GNAI2: variants seen among roughly 807,000 people sequenced by gnomAD.
GNAI2 encodes the protein guanine nucleotide-binding protein G(i) subunit alpha-2.
A neutral mutation model predicts 36.8 loss-of-function variants in GNAI2; 4 were observed. The ratio of observed to expected loss-of-function variants is 0.11; its 90% confidence interval spans 0.05 to 0.25. The LOEUF is 0.25. Ranked by LOEUF, GNAI2 falls within the 10% of genes least tolerant of loss-of-function variation. GNAI2 has a pLI of 1.00. For synonymous variants in GNAI2, 194 were observed against 194.1 expected (o/e 1.00, Z 0.01); for missense variants, 230 against 481.3 (o/e 0.48, Z 4.89).
rs1278142303 is a variant in GNAI2 at position 50,252,034 on chromosome 3, C to T, written c.119-66C>T. 2 of 1,475,134 alleles carry T rather than the reference C, an allele frequency of 1.4e-6. No individual in the cohort carries two copies. The highest frequency in any genetic ancestry group is 4.5e-5 in the East Asian group (2 of 44,134). 91.4% of individuals were successfully genotyped at this position (1,475,134 alleles called of 1,614,324 possible). Reference sequence around the variant, plus strand: ...GCCTCCTGGGCTACAGGTGTCTGGGCATTTGTTCTGTGCCTGTGGAGCCCC... The same window carrying T: ...GCCTCCTGGGCTACAGGTGTCTGGGTATTTGTTCTGTGCCTGTGGAGCCCC... On this transcript the variant is annotated intron_variant, in intron 1 of 8. Coordinates refer to ENST00000313601, the MANE Select transcript of GNAI2 (RefSeq NM_002070.4). This position sits in a 1 kb window ranked among gnomAD's most constrained non-coding sequence, Gnocchi z 4.1.
intron 1 of GNAI2, chr3:50,251,780 C>A: frequency 7.6e-7 from 1 of 1,309,480 alleles, no homozygotes; most frequent in South Asian, 1.4e-5. Flanking sequence ...AGGGTGGCTC[C>A]TTCATGGCTG....
chr3:50,252,984 A>G lies in GNAI2; in HGVS notation c.304-40A>G. On this transcript the variant is annotated intron_variant, in intron 3 of 8. Transcript: ENST00000313601. This position sits in a 1 kb window ranked among gnomAD's most constrained non-coding sequence, Gnocchi z 4.1. ...TCCCTGCCTCTGGCAGAGTGGGGGT[A>G]CATTCCTTCAACTGCCTGACCACCC... 1 of 1,535,852 alleles carries G rather than the reference A, an allele frequency of 6.5e-7. No individual in the cohort carries two copies. Among genetic ancestry groups the G allele is most frequent in the Non-Finnish European group, 8.9e-7 (1 of 1,128,044 alleles).
Position 50,252,694 on chromosome 3 carries a change from T to C in GNAI2, c.303+156T>C. Among the ~76,000 whole-genome samples, 1 of 152,094 alleles carries C rather than the reference T, an allele frequency of 6.6e-6. No individual in the cohort carries two copies. The highest frequency in any genetic ancestry group is 1.9e-4 in the East Asian group (1 of 5,186). On this transcript the variant is annotated intron_variant, in intron 3 of 8. Transcript: ENST00000313601. The surrounding 1 kb of genome is among the most constrained non-coding windows in gnomAD (Gnocchi z 4.1). Reference sequence around the variant, plus strand: ...GCCTGGCCAACTTGGTGAAACCGCGTCTCTACTAAAAATACAAAAATTAGC... The same window carrying C: ...GCCTGGCCAACTTGGTGAAACCGCGCCTCTACTAAAAATACAAAAATTAGC...
chr3:50,244,773 C>T (rs1281883156), intron 1 of GNAI2, among the ~76,000 whole-genome samples: 1 of 152,150 alleles, frequency 6.6e-6, no homozygotes, highest in African/African-American at 2.4e-5. Context: ...TGCTGTGTTG[C>T]CAGGCCAGGC....
At chr3:50,256,067 AAAAAAAG>A in intron 4 of GNAI2, 118 bp from the exon 5 acceptor site, 1 of 449,544 alleles carries the variant, frequency 2.2e-6, no homozygotes, top group Non-Finnish European at 4.1e-6. Flanking sequence ...AAAAAAAAAA[AAAAAAAG>A]CAAGGGCTGT....
At chr3:50,245,148 G>A (rs1700386385) in intron 1 of GNAI2, among the ~76,000 whole-genome samples, 1 of 152,176 alleles carries the variant, frequency 6.6e-6, no homozygotes, top group Non-Finnish European at 1.5e-5. Context: ...ACAGGCATGT[G>A]CCACCATGCC....
rs1575453270 is a variant in GNAI2 at position 50,253,327 on chromosome 3, T to A, written c.464+143T>A. 1 of 685,276 alleles carries A rather than the reference T, an allele frequency of 1.5e-6. No homozygotes were observed. The allele number at this position is 685,276 out of a possible 1,614,324, so 42.4% of individuals were successfully genotyped here. On this transcript the variant is annotated intron_variant, in intron 4 of 8. Transcript: ENST00000313601. This position sits in a 1 kb window ranked among gnomAD's most constrained non-coding sequence, Gnocchi z 4.2. Reference sequence around the variant, plus strand: ...TGACTGTTAACCAAGGCCTTCCTGTTTTTTGGTTTGGGGGGTGGGTGGGTG... The same window carrying A: ...TGACTGTTAACCAAGGCCTTCCTGTATTTTGGTTTGGGGGGTGGGTGGGTG...
At chr3:50,227,099 A>G, upstream of GNAI2, 1 of 1,334,098 alleles carries the variant, frequency 7.5e-7, no homozygotes, top group South Asian at 1.8e-5. The surrounding 1 kb of genome is among the most constrained non-coding windows in gnomAD (Gnocchi z 5.9). Context: ...TGTGAAGTGG[A>G]AGCGCGAGAA....
chr3:50,227,943 A>C (rs1700006139), upstream of GNAI2, among the ~76,000 whole-genome samples: 1 of 152,192 alleles, frequency 6.6e-6, no homozygotes, highest in South Asian at 2.1e-4. This position sits in a 1 kb window ranked among gnomAD's most constrained non-coding sequence, Gnocchi z 5.9. Flanking sequence ...GAGGTGCACA[A>C]AGGCGGGAAA....
At position 50,238,902 on chromosome 3, in the gene GNAI2, C is replaced by T. The variant is rs1018002332; in HGVS notation, c.118+2449C>T. Among the ~76,000 whole-genome samples, 1 of 152,234 alleles carries T rather than the reference C, an allele frequency of 6.6e-6. No individual in the cohort carries two copies. Among genetic ancestry groups the T allele is most frequent in the Non-Finnish European group, 1.5e-5 (1 of 68,042 alleles). On this transcript the variant is annotated intron_variant, in intron 1 of 8. Transcript: ENST00000313601. The surrounding 1 kb of genome is among the most constrained non-coding windows in gnomAD (Gnocchi z 5.0). ...CAGCCTTCCCTCCCAGCCAGAACCA[C>T]GCCTGCTGCCCCGCCCGCACACCGC... is the stretch of plus-strand genomic sequence containing the variant.
rs1205547445 is a variant in GNAI2, at chr3:50,238,570, C to T, written c.118+2117C>T. On this transcript the variant is annotated intron_variant, in intron 1 of 8. Transcript: ENST00000313601. This position sits in a 1 kb window ranked among gnomAD's most constrained non-coding sequence, Gnocchi z 5.0. ...TGAAATGGGCTTCCTGGGTTTTGGC[C>T]AAAGGAGTGCCCCAGGTCAGGATGG... 1.3e-5 allele frequency among the ~76,000 whole-genome samples: 2 copies of T among 152,202 alleles called. No individual in the cohort carries two copies. The highest frequency in any genetic ancestry group is 2.4e-5 in the African/African-American group (1 of 41,442).
rs1157507523 is a variant in GNAI2, at chr3:50,255,794, T to C, written c.465-398T>C. Among the ~76,000 whole-genome samples, 1 of 151,856 alleles carries C rather than the reference T, an allele frequency of 6.6e-6. No homozygotes were observed. Among genetic ancestry groups the C allele is most frequent in the African/African-American group, 2.4e-5 (1 of 41,358 alleles). On this transcript the variant is annotated intron_variant, in intron 4 of 8. Transcript: ENST00000313601. This position sits in a 1 kb window ranked among gnomAD's most constrained non-coding sequence, Gnocchi z 4.0. Reference sequence around the variant, plus strand: ...GGCCAGGCGCAGTGGCTCACGCCTGTAATCCCAGCACTCTGGGAGGCCGAG... The same window carrying C: ...GGCCAGGCGCAGTGGCTCACGCCTGCAATCCCAGCACTCTGGGAGGCCGAG...
Position 50,252,515 on chromosome 3 carries a change from G to T in GNAI2, c.280G>T (p.Asp94Tyr), listed in dbSNP as rs183955200. 2 of 1,613,344 alleles carry T rather than the reference G, an allele frequency of 1.2e-6. No homozygotes were observed. Among genetic ancestry groups the T allele is most frequent in the African/African-American group, 2.7e-5 (2 of 74,924 alleles). Residue 94 changes from aspartate to tyrosine, a missense_variant, in exon 3 of 9, where the codon GAC (aspartate) becomes TAC (tyrosine). Asp to Tyr is a radical substitution (Grantham distance 160). This residue lies in a region of GNAI2 where 132 missense variants were observed against 247.4 expected (regional missense o/e 0.53). Transcript: ENST00000313601. The surrounding 1 kb of genome is among the most constrained non-coding windows in gnomAD (Gnocchi z 4.1). ...CAAAGCCATGGGCAACCTGCAGATC[G>T]ACTTTGCCGACCCCTCCAGAGCGGT... ...IVKAMGNLQI[D>Y]FADPSRADDA... is the part of the protein sequence containing the mutation.
rs782119375 is a variant in GNAI2 at position 50,252,403 on chromosome 3, C to T, written c.168C>T (p.Ile56=). 12 of 1,613,594 alleles carry T rather than the reference C, an allele frequency of 7.4e-6. No individual in the cohort carries two copies. The African/African-American group carries it at 1.6e-4, about 22-fold the overall frequency. The part of the protein sequence containing the change: ...KSTIVKQMKI[I]HEDGYSEEEC... ...CCTGGTCCCTGGCTATCAGGATCAT[C>T]CACGAGGATGGCTACTCCGAGGAGG... is the stretch of plus-strand genomic sequence containing the variant. The change falls in exon 3 of 9, where the codon ATC becomes ATT. Residue 56 remains isoleucine (I), a synonymous_variant. Transcript: ENST00000313601. This position sits in a 1 kb window ranked among gnomAD's most constrained non-coding sequence, Gnocchi z 4.1.
In GNAI2 at chr3:50,241,075, G is replaced by GT. The variant is rs1700289166; in HGVS notation, c.118+4623dup. On this transcript the variant is annotated intron_variant, in intron 1 of 8. Transcript: ENST00000313601. The surrounding 1 kb of genome is among the most constrained non-coding windows in gnomAD (Gnocchi z 5.0). ...GCCCTCAGGCAGCTGTTCACAGCAA[G>GT]TGGGGAGCCCAAGGCGTGCAGATAG... 1.3e-5 allele frequency among the ~76,000 whole-genome samples: 2 copies of GT among 152,192 alleles called. No individual in the cohort carries two copies. The highest frequency in any genetic ancestry group is 4.1e-4 in the South Asian group (2 of 4,830).
chr3:50,234,176 C>T (rs1378371181), upstream of GNAI2, among the ~76,000 whole-genome samples: 1 of 150,820 alleles, frequency 6.6e-6, no homozygotes, highest in African/African-American at 2.4e-5. Context: ...ACACCATTCT[C>T]CTGCCTCAGC....
In GNAI2 at chr3:50,257,093, G is replaced by T. The variant is rs782767890; in HGVS notation, c.877+3G>T. The T allele has an allele frequency of 1.9e-6, 3 of 1,612,110 alleles. No individual in the cohort carries two copies. The highest frequency in any genetic ancestry group is 2.5e-6 in the Non-Finnish European group (3 of 1,178,682). On this transcript the variant is annotated splice_donor_region_variant and intron_variant, in intron 7 of 8. Coordinates refer to ENST00000313601, the MANE Select transcript of GNAI2 (RefSeq NM_002070.4). ...CATCTGCTTCCCTGAGTACACAGGT[G>T]TGGGGACTGTGGGGATAGGGCCTCC... is the stretch of plus-strand genomic sequence containing the variant.
rs375795346 is a variant in GNAI2, at chr3:50,251,276, A to G, written c.119-824A>G. The G allele has an allele frequency of 2.8e-5, 20 of 722,270 alleles. No homozygotes were observed. In the African/African-American group the frequency reaches 3.1e-4, roughly 11 times the overall value. The allele number at this position is 722,270 out of a possible 1,614,324, so 44.7% of individuals were successfully genotyped here. A position where few individuals can be genotyped will look rare whatever the true frequency, so the allele number is the denominator to read the frequency against. ...CAATACTTTATTTTTCTGAGCCTCA[A>G]TGTCCTCATCTGTAGAATGGGAACA... On this transcript the variant is annotated intron_variant, in intron 1 of 8. Coordinates refer to ENST00000313601, the MANE Select transcript of GNAI2 (RefSeq NM_002070.4).
intron 4 of GNAI2, among the ~76,000 whole-genome samples, chr3:50,254,778 G>A (rs1259888933): frequency 6.6e-6 from 1 of 152,258 alleles, no homozygotes; most frequent in Non-Finnish European, 1.5e-5. Context: ...GGCACCCACT[G>A]TGTGCCCAGC....
Sources: allele counts gnomAD v4.1 joint callset (sites outside exome capture counted in the v4.1 genomes callset), GRCh38; gene constraint gnomAD v4.1.1; regional missense constraint gnomAD v4.1.1; non-coding constraint Gnocchi (gnomAD v3.1); transcripts MANE v1.5; gene names NCBI Gene and HGNC (gene_info 2026-07-23, HGNC 2026-07-21).